Variants in UBXN10 observed in about 807,000 individuals in gnomAD.
UBXN10 encodes UBX domain protein 10.
UBXN10 carries 6 observed loss-of-function variants against 6.9 expected under a neutral mutation model. That is an observed-to-expected ratio of 0.87 (90% CI 0.48 to 1.72). UBXN10 has a LOEUF of 1.72. Among genes scored for constraint, UBXN10 ranks in the 40% most tolerant of loss-of-function variants. The probability of loss-of-function intolerance (pLI) is 0.01; values close to 1 mark genes in which losing one functional copy is unlikely to be tolerated. For missense variants in UBXN10, 317 were observed against 348.4 expected (o/e 0.91, Z 0.72); for synonymous variants, 131 against 135.2 (o/e 0.97, Z 0.21).
Position 20,191,451 on chromosome 1 carries a change from A to C in UBXN10, c.*47A>C, listed in dbSNP as rs111229270. 6.4e-7 allele frequency: 1 copy of C among 1,564,774 alleles called. No homozygotes were observed. The highest frequency in any genetic ancestry group is 2.3e-5 in the East Asian group (1 of 44,396). ...GTCCTGGGTCTCTGAGCAAAGGAGC[A>C]TGCTTGGGCGTTGTGGCCTCTTAGG... On this transcript the variant is annotated 3_prime_UTR_variant, in exon 2 of 2. Coordinates refer to ENST00000375099, the MANE Select transcript of UBXN10 (RefSeq NM_152376.5). The surrounding 1 kb of genome is among the most constrained non-coding windows in gnomAD (Gnocchi z 4.5).
At chr1:20,184,475 A>T (rs1307208935), upstream of UBXN10, 1 of 152,220 alleles carries the variant, frequency 6.6e-6, no homozygotes, top group Non-Finnish European at 1.5e-5. Context: ...GGATGACCAG[A>T]GTGTGTGAGG....
Position 20,190,798 on chromosome 1 carries a change from A to G in UBXN10, c.237A>G (p.Lys79=). 2 of 1,613,976 alleles carry G rather than the reference A, an allele frequency of 1.2e-6. No individual in the cohort carries two copies. The highest frequency in any genetic ancestry group is 1.7e-6 in the Non-Finnish European group (2 of 1,180,006). Residue 79 remains lysine, a synonymous_variant, in exon 2 of 2, where the codon AAA becomes AAG. Coordinates refer to ENST00000375099, the MANE Select transcript of UBXN10 (RefSeq NM_152376.5). ...AIPYELPSSQ[K]PGACAPKSPN... is the part of the protein sequence containing the mutation. ...CCTATGAGTTGCCAAGCAGCCAAAA[A>G]CCAGGAGCCTGTGCACCCAAATCTC... is the stretch of plus-strand genomic sequence containing the variant.
chr1:20,185,802 C>A (rs1230030987), upstream of UBXN10, among the ~76,000 whole-genome samples: 1 of 152,210 alleles, frequency 6.6e-6, no homozygotes, highest in Non-Finnish European at 1.5e-5. Flanking sequence ...TGCTGCTCCC[C>A]GCTCCTCCAT....
chr1:20,183,524 G>A (rs2018309678), upstream of UBXN10, among the ~76,000 whole-genome samples: 1 of 152,222 alleles, frequency 6.6e-6, no homozygotes, highest in South Asian at 2.1e-4. Context: ...AGCAAAGGAG[G>A]GCTATGATGC....
Position 20,191,094 on chromosome 1 carries a change from C to T in UBXN10, c.533C>T (p.Thr178Ile). The T allele has an allele frequency of 1.2e-6, 2 of 1,614,116 alleles. No homozygotes were observed. The highest frequency in any genetic ancestry group is 3.3e-5 in the Admixed American group (2 of 60,018). ...CAVERKFIVR[T>I]KKQGSSRAGN... ...GTGGAGAGGAAATTCATCGTCCGAA[C>T]CAAGAAACAGGGCTCTTCCAGGGCT... is the stretch of plus-strand genomic sequence containing the variant. Residue 178 changes from threonine (T) to isoleucine (I), a missense_variant, in exon 2 of 2, where the codon ACC (threonine) becomes ATC (isoleucine). Physicochemically the swap from Thr to Ile is moderately conservative, Grantham distance 89. Coordinates refer to ENST00000375099, the MANE Select transcript of UBXN10 (RefSeq NM_152376.5). The surrounding 1 kb of genome is among the most constrained non-coding windows in gnomAD (Gnocchi z 4.5).
Position 20,190,683 on chromosome 1 carries a change from C to G in UBXN10, c.122C>G (p.Ser41Cys), listed in dbSNP as rs1186652783. The change falls in exon 2 of 2, where the codon TCC becomes TGC. Residue 41 changes from serine to cysteine, a missense_variant. Ser to Cys is a moderately radical substitution (Grantham distance 112). Coordinates refer to ENST00000375099, the MANE Select transcript of UBXN10 (RefSeq NM_152376.5). Reference protein sequence around the residue: ...SLNMHMIRPKSAKGRTRPSLQ... With the variant: ...SLNMHMIRPKCAKGRTRPSLQ... ...AATATGCACATGATAAGGCCCAAGT[C>G]CGCCAAGGGACGGACAAGACCGAGT... The G allele has an allele frequency of 6.2e-7, 1 of 1,614,200 alleles. No individual in the cohort carries two copies. Among genetic ancestry groups the G allele is most frequent in the East Asian group, 2.2e-5 (1 of 44,874 alleles).
chr1:20,193,226 G>T lies in UBXN10; in HGVS notation c.*1822G>T, dbSNP rs1447105619. On this transcript the variant is annotated 3_prime_UTR_variant, in exon 2 of 2. Transcript: ENST00000375099. ...TAAAATCACACCTACTCTGTGGTAA[G>T]AATAAAATCCCACCCACCTGGGACT... 1.8e-5 allele frequency: 3 copies of T among 167,098 alleles called. No individual in the cohort carries two copies. Among genetic ancestry groups the T allele is most frequent in the African/African-American group, 7.2e-5 (3 of 41,456 alleles). 10.4% of individuals were successfully genotyped at this position (167,098 alleles called of 1,614,324 possible).
Position 20,190,738 on chromosome 1 carries a change from C to T in UBXN10, c.177C>T (p.Cys59=), listed in dbSNP as rs777780444. The T allele has an allele frequency of 1.5e-5, 24 of 1,613,854 alleles. No homozygotes were observed. The highest frequency in any genetic ancestry group is 5.0e-5 in the Admixed American group (3 of 59,990). Residue 59 remains cysteine (C), a synonymous_variant, in exon 2 of 2, where the codon TGC becomes TGT. Transcript: ENST00000375099. The part of the protein sequence containing the change: ...SLQKSQGVEV[C]AHHIPSPPPA... ...AGAAATCCCAGGGCGTGGAGGTGTG[C>T]GCTCATCATATACCATCTCCGCCTC...
At position 20,191,318 on chromosome 1, in the gene UBXN10, G is replaced by C. The variant is rs774096113; in HGVS notation, c.757G>C (p.Asp253His). The C allele has an allele frequency of 6.2e-7, 1 of 1,614,024 alleles. No homozygotes were observed. The highest frequency in any genetic ancestry group is 1.1e-5 in the South Asian group (1 of 91,070). Reference sequence around the variant, plus strand: ...GGAGGTGCCCAGGAGGCGATTTTCTGACCTCACCAAATCTCTGCAAGAGTG... The same window carrying C: ...GGAGGTGCCCAGGAGGCGATTTTCTCACCTCACCAAATCTCTGCAAGAGTG... ...TMEVPRRRFSDLTKSLQECRI... is the reference protein window; with the variant it reads ...TMEVPRRRFSHLTKSLQECRI... Residue 253 changes from aspartate (D) to histidine (H), a missense_variant, in exon 2 of 2, where the codon GAC becomes CAC. Coordinates refer to ENST00000375099, the MANE Select transcript of UBXN10 (RefSeq NM_152376.5). The surrounding 1 kb of genome is among the most constrained non-coding windows in gnomAD (Gnocchi z 4.5).
At chr1:20,188,443 T>C (rs1255795802) in intron 1 of UBXN10, among the ~76,000 whole-genome samples, 1 of 152,182 alleles carries the variant, frequency 6.6e-6, no homozygotes, top group African/African-American at 2.4e-5. Flanking sequence ...CGTTTGGTCC[T>C]GGTCTGAGTG....
chr1:20,184,795 G>A (rs1296927190), upstream of UBXN10, among the ~76,000 whole-genome samples: 2 of 152,130 alleles, frequency 1.3e-5, no homozygotes, highest in Non-Finnish European at 2.9e-5. Context: ...GGAGGAGGGA[G>A]GGAGGTGGGA....
chr1:20,186,363 T>A (rs1022321232), intron 1 of UBXN10: 6 of 152,208 alleles, frequency 3.9e-5, no homozygotes, highest in Non-Finnish European at 7.3e-5. Flanking sequence ...AGCTCACCTT[T>A]ACCAAAATAG....
At position 20,192,935 on chromosome 1, in the gene UBXN10, A is replaced by G. The variant is rs1316678820; in HGVS notation, c.*1531A>G. The G allele has an allele frequency of 6.0e-6, 1 of 167,136 alleles. No individual in the cohort carries two copies. Among genetic ancestry groups the G allele is most frequent in the African/African-American group, 2.4e-5 (1 of 41,470 alleles). The allele number at this position is 167,136 out of a possible 1,614,324, so 10.4% of individuals were successfully genotyped here. Reference sequence around the variant, plus strand: ...CCTAACTGCATCCCACACTGCCCAGATCATTCTAGAATAGGTTATTTCTGA... The same window carrying G: ...CCTAACTGCATCCCACACTGCCCAGGTCATTCTAGAATAGGTTATTTCTGA... On this transcript the variant is annotated 3_prime_UTR_variant, in exon 2 of 2. Coordinates refer to ENST00000375099, the MANE Select transcript of UBXN10 (RefSeq NM_152376.5).
At position 20,191,498 on chromosome 1, in the gene UBXN10, T is replaced by C. The variant is rs1166730147; in HGVS notation, c.*94T>C. On this transcript the variant is annotated 3_prime_UTR_variant, in exon 2 of 2. Coordinates refer to ENST00000375099, the MANE Select transcript of UBXN10 (RefSeq NM_152376.5). This position sits in a 1 kb window ranked among gnomAD's most constrained non-coding sequence, Gnocchi z 4.5. The stretch of plus-strand genomic sequence containing the variant: ...TAGGCAGCCTGTTTCAAGTGCCATG[T>C]GGACCTGGTGCAGCTGGGAAGCTTG... The C allele has an allele frequency of 2.6e-6, 4 of 1,521,082 alleles. No homozygotes were observed. In the African/African-American group the frequency reaches 4.2e-5, roughly 16 times the overall value. The allele number at this position is 1,521,082 out of a possible 1,614,324, so 94.2% of individuals were successfully genotyped here.
At chr1:20,184,201 A>ACACACG (rs1340031609), upstream of UBXN10, 1 of 151,324 alleles carries the variant, frequency 6.6e-6, no homozygotes, top group Non-Finnish European at 1.5e-5. Context: ...GCACACGCAC[A>ACACACG]CACACACACA....
chr1:20,183,614 G>T (rs534669554), upstream of UBXN10, among the ~76,000 whole-genome samples: 1 of 152,368 alleles, frequency 6.6e-6, no homozygotes, highest in African/African-American at 2.4e-5. Context: ...TGTTCCACTG[G>T]ACCAAAGGCG....
Position 20,190,759 on chromosome 1 carries a change from G to A in UBXN10, c.198G>A (p.Pro66=), listed in dbSNP as rs772401367. The A allele has an allele frequency of 1.4e-5, 23 of 1,613,786 alleles. No individual in the cohort carries two copies. Among genetic ancestry groups the A allele is most frequent in the Non-Finnish European group, 1.9e-5 (22 of 1,180,032 alleles). Residue 66 remains proline (P), a synonymous_variant, in exon 2 of 2, where the codon CCG becomes CCA. Transcript: ENST00000375099. ...VEVCAHHIPS[P]PPAIPYELPS... The stretch of plus-strand genomic sequence containing the variant: ...TGTGCGCTCATCATATACCATCTCC[G>A]CCTCCAGCCATTCCCTATGAGTTGC...
intron 1 of UBXN10, among the ~76,000 whole-genome samples, chr1:20,188,496 C>T (rs966968481): frequency 6.6e-6 from 1 of 152,166 alleles, no homozygotes; most frequent in African/African-American, 2.4e-5. Flanking sequence ...GCAGTGGTTA[C>T]ATGTGCAGAA....
In UBXN10 at chr1:20,193,539, T is replaced by A. The variant is rs1259363551; in HGVS notation, c.*2135T>A. On this transcript the variant is annotated 3_prime_UTR_variant, in exon 2 of 2. Coordinates refer to ENST00000375099, the MANE Select transcript of UBXN10 (RefSeq NM_152376.5). ...AGTCAGTGGAGAAGTGCATCTCGTATTTTAACCTAAGGCTTCAGCTCCCAC... is the reference window on the plus strand; with the variant it reads ...AGTCAGTGGAGAAGTGCATCTCGTAATTTAACCTAAGGCTTCAGCTCCCAC... The A allele has an allele frequency of 2.4e-5, 4 of 167,208 alleles. No individual in the cohort carries two copies. The East Asian group carries it at 7.7e-4, about 32-fold the overall frequency. 10.4% of individuals were successfully genotyped at this position (167,208 alleles called of 1,614,324 possible).
Sources: allele counts gnomAD v4.1 joint callset (sites outside exome capture counted in the v4.1 genomes callset), GRCh38; gene constraint gnomAD v4.1.1; non-coding constraint Gnocchi (gnomAD v3.1); transcripts MANE v1.5; gene names NCBI Gene and HGNC (gene_info 2026-07-23, HGNC 2026-07-21).